Variants in UGT1A9 observed in about 807,000 individuals in gnomAD.
UGT1A9 encodes the protein UDP-glucuronosyltransferase 1A9.
In UGT1A9, 35 loss-of-function variants were observed where a neutral mutation model predicts 45.0. That is an observed-to-expected ratio of 0.78 (90% CI 0.59 to 1.03). The LOEUF is 1.03. Ranked by LOEUF, UGT1A9 falls within the 50% of genes least tolerant of loss-of-function variation. UGT1A9 has a pLI of 0.00. For synonymous variants in UGT1A9, 278 were observed against 250.6 expected (o/e 1.11, Z -1.03); for missense variants, 687 against 666.6 (o/e 1.03, Z -0.34).
chr2:233,729,216 G>C, intron 1 of UGT1A9: 1 of 1,614,144 alleles, frequency 6.2e-7, no homozygotes, highest in Non-Finnish European at 8.5e-7. Flanking sequence ...AGAGTGGAAA[G>C]GTGTTGGTGG....
intron 1 of UGT1A9, chr2:233,740,890 A>G (rs1162422597): frequency 6.6e-6 from 1 of 150,830 alleles, no homozygotes; most frequent in Non-Finnish European, 1.5e-5. Context: ...TGCAGGGACA[A>G]CATAGTAGGT....
At chr2:233,674,190 G>A (rs368031414) in intron 1 of UGT1A9, among the ~76,000 whole-genome samples, 1 of 152,166 alleles carries the variant, frequency 6.6e-6, no homozygotes, top group South Asian at 2.1e-4. Context: ...ATTGGCAGAT[G>A]TTTGGTGAAA....
At chr2:233,761,103 G>A (rs371726341) in intron 1 of UGT1A9, 4 of 1,614,144 alleles carry the variant, frequency 2.5e-6, no homozygotes, top group Admixed American at 1.7e-5. Flanking sequence ...TGCCCAATAT[G>A]GTTTTTGTTG....
chr2:233,705,147 A>G (rs1162115841), intron 1 of UGT1A9, among the ~76,000 whole-genome samples: 2 of 151,972 alleles, frequency 1.3e-5, no homozygotes, highest in Admixed American at 6.6e-5. Flanking sequence ...AAAAAAAAAA[A>G]AAGAGAGAGA....
intron 1 of UGT1A9, chr2:233,761,173 T>G (rs771182197): frequency 9.9e-6 from 16 of 1,614,128 alleles, no homozygotes; most frequent in Middle Eastern, 3.3e-4. Context: ...AGTGGGACTT[T>G]TACATGCGTA....
At chr2:233,759,226 A>C (rs1435521106) in intron 1 of UGT1A9, among the ~76,000 whole-genome samples, 2 of 152,174 alleles carry the variant, frequency 1.3e-5, no homozygotes, top group African/African-American at 4.8e-5. Flanking sequence ...TATGCAAATG[A>C]AGGATGGAAA....
chr2:233,765,490 A>G (rs552851651), intron 1 of UGT1A9, among the ~76,000 whole-genome samples: 4 of 152,238 alleles, frequency 2.6e-5, no homozygotes, highest in Non-Finnish European at 5.9e-5. Flanking sequence ...ATCATCCTCC[A>G]CAAACTAACA....
intron 1 of UGT1A9, among the ~76,000 whole-genome samples, chr2:233,731,737 A>G (rs2078198933): frequency 6.6e-6 from 1 of 152,224 alleles, no homozygotes; most frequent in African/African-American, 2.4e-5. Context: ...TAGTGCCACA[A>G]TAAACATACG....
chr2:233,686,715 G>A (rs138506626), intron 1 of UGT1A9, among the ~76,000 whole-genome samples: 93 of 152,138 alleles, frequency 6.1e-4, no homozygotes, highest in African/African-American at 2.1e-3. Flanking sequence ...CCCTCCCACC[G>A]GCTATGAAGG....
At chr2:233,673,722 A>G (rs1250797749) in intron 1 of UGT1A9, among the ~76,000 whole-genome samples, 2 of 151,992 alleles carry the variant, frequency 1.3e-5, no homozygotes, top group Admixed American at 6.6e-5. Context: ...GTACAGGACA[A>G]TTTTTCCATT....
chr2:233,677,410 C>CA (rs917794431), intron 1 of UGT1A9, among the ~76,000 whole-genome samples: 5 of 152,108 alleles, frequency 3.3e-5, no homozygotes, highest in African/African-American at 1.2e-4. Flanking sequence ...TTTGATTCTC[C>CA]AAAAACTTAA....
chr2:233,745,956 G>A (rs1296712691), intron 1 of UGT1A9, among the ~76,000 whole-genome samples: 5 of 151,652 alleles, frequency 3.3e-5, no homozygotes, highest in Admixed American at 2.6e-4. Context: ...GCAACTGGGG[G>A]ACAGGGGCCC....
At chr2:233,686,050 T>C (rs921397922) in intron 1 of UGT1A9, among the ~76,000 whole-genome samples, 1 of 152,182 alleles carries the variant, frequency 6.6e-6, no homozygotes, top group Admixed American at 6.5e-5. Flanking sequence ...TGGCAAAGAA[T>C]AGTGTCTTCA....
At chr2:233,757,543 T>TACATATACATATAC (rs1320189051) in intron 1 of UGT1A9, among the ~76,000 whole-genome samples, 2 of 117,340 alleles carry the variant, frequency 1.7e-5, no homozygotes, top group African/African-American at 7.1e-5. Flanking sequence ...GGAATATATA[T>TACATATACATATAC]ATATATATAT....
chr2:233,693,012 G>T, intron 1 of UGT1A9: 1 of 1,614,130 alleles, frequency 6.2e-7, no homozygotes, highest in Non-Finnish European at 8.5e-7. Context: ...AGGATGGCCT[G>T]CCTCCTTCGC....
chr2:233,693,072 T>C, intron 1 of UGT1A9: 3 of 1,614,192 alleles, frequency 1.9e-6, no homozygotes, highest in Non-Finnish European at 2.5e-6. Flanking sequence ...CTTTGGGGCA[T>C]GGTTGTAGGT....
At position 233,772,409 on chromosome 2, in the gene UGT1A9, C is replaced by T. The variant is rs147132183; in HGVS notation, c.1443C>T (p.Tyr481=). The part of the protein sequence containing the change: ...LRPAAHDLTW[Y]QYHSLDVIGF... ...CCGCAGCCCACGACCTCACCTGGTA[C>T]CAGTACCATTCCTTGGACGTGATTG... is the stretch of plus-strand genomic sequence containing the variant. Residue 481 remains tyrosine (Y), a synonymous_variant, in exon 5 of 5, where the codon TAC becomes TAT. Coordinates refer to ENST00000354728, the MANE Select transcript of UGT1A9 (RefSeq NM_021027.3). 8.1e-6 allele frequency: 13 copies of T among 1,614,110 alleles called. No homozygotes were observed. In the African/African-American group the frequency reaches 1.2e-4, roughly 15 times the overall value.
rs541996220 is a variant in UGT1A9 at position 233,687,430 on chromosome 2, AG to A, written c.855+14643del. ...ATATATTGGAGGCTTACCGTGTACC[AG>A]GTGCTACCCTAAGTATTTACATGGA... is the stretch of plus-strand genomic sequence containing the variant. On this transcript the variant is annotated intron_variant, in intron 1 of 4. Transcript: ENST00000354728. Among the ~76,000 whole-genome samples, 100 of 152,226 alleles carry A rather than the reference AG, an allele frequency of 6.6e-4. 2 individuals are homozygous for A. In the Middle Eastern group the frequency reaches 0.02, roughly 31 times the overall value.
chr2:233,768,152 A>G, intron 3 of UGT1A9, 68 bp from the exon 4 acceptor site: 1 of 1,612,626 alleles, frequency 6.2e-7, no homozygotes, highest in Non-Finnish European at 8.5e-7. Flanking sequence ...TGTTTTCAGA[A>G]CCTAGATGTG....
Sources: allele counts gnomAD v4.1 joint callset (sites outside exome capture counted in the v4.1 genomes callset), GRCh38; gene constraint gnomAD v4.1.1; transcripts MANE v1.5; gene names NCBI Gene and HGNC (gene_info 2026-07-23, HGNC 2026-07-21).